Variants in ANKFN1 observed in about 807,000 individuals in gnomAD.
ANKFN1 encodes ankyrin repeat and fibronectin type III domain containing 1.
In ANKFN1, 74 loss-of-function variants were observed where a neutral mutation model predicts 108.7. The observed-to-expected ratio is 0.68, with a 90% CI of 0.56 to 0.83. The LOEUF (loss-of-function observed/expected upper bound fraction) is 0.83, where lower values mean the gene tolerates loss of function less well. ANKFN1 is among the 40% of genes least tolerant of loss of function. The probability of loss-of-function intolerance (pLI) is 0.00; values close to 1 mark genes in which losing one functional copy is unlikely to be tolerated. For synonymous variants in ANKFN1, 547 were observed against 516.2 expected (o/e 1.06, Z -0.81); for missense variants, 1,505 against 1,382.3 (o/e 1.09, Z -1.41).
rs142111973 is a variant in ANKFN1, at chr17:56,346,328, C to A, written c.189-4438C>A. On this transcript the variant is annotated intron_variant, in intron 4 of 20. Transcript: ENST00000682825. ...AGTTTGAAGTCAGACAGCATGATGCCGCCAGCTTTGTTCTTTTTGCTTAGG... is the reference window on the plus strand; with the variant it reads ...AGTTTGAAGTCAGACAGCATGATGCAGCCAGCTTTGTTCTTTTTGCTTAGG... Among the ~76,000 whole-genome samples the A allele has an allele frequency of 1.0e-2, 1,518 of 152,114 alleles. 22 individuals are homozygous for A. The highest frequency in any genetic ancestry group is 0.034 in the African/African-American group (1,407 of 41,494).
At chr17:56,457,823 T>C (rs753990218) in intron 13 of ANKFN1, 40 bp from the exon 14 acceptor site, 1 of 1,486,562 alleles carries the variant, frequency 6.7e-7, no homozygotes, top group East Asian at 2.3e-5. Context: ...AATCATGTAC[T>C]GGCTTGGACG....
chr17:56,078,392 C>A (rs1193113396), intron 4 of ANKFN1, among the ~76,000 whole-genome samples: 1 of 152,170 alleles, frequency 6.6e-6, no homozygotes, highest in Non-Finnish European at 1.5e-5. Context: ...GACTATGGAC[C>A]ATTCCTAGGA....
intron 4 of ANKFN1, among the ~76,000 whole-genome samples, chr17:56,061,023 TG>T (rs1904964401): frequency 6.6e-6 from 1 of 152,208 alleles, no homozygotes; most frequent in Non-Finnish European, 1.5e-5. Flanking sequence ...AGCTCCTTTT[TG>T]TACCTCTAGA....
chr17:56,350,741 T>C, intron 4 of ANKFN1, 25 bp from the exon 5 acceptor site: 3 of 1,600,146 alleles, frequency 1.9e-6, no homozygotes, highest in South Asian at 1.1e-5. Context: ...GTAAAAGATA[T>C]AACATCGGAC....
chr17:56,358,123 T>C (rs1375986741), intron 6 of ANKFN1, among the ~76,000 whole-genome samples: 1 of 152,146 alleles, frequency 6.6e-6, no homozygotes, highest in Non-Finnish European at 1.5e-5. Context: ...CTAATGACAG[T>C]TACATATTTC....
chr17:56,169,065 G>A (rs762329570), intron 1 of ANKFN1, among the ~76,000 whole-genome samples: 5 of 152,076 alleles, frequency 3.3e-5, no homozygotes, highest in Non-Finnish European at 5.9e-5. Context: ...AACAGAAAGC[G>A]GGGAAAACAA....
At chr17:56,326,119 A>G (rs2045508091) in intron 3 of ANKFN1, 102 bp from the exon 4 acceptor site, 6 of 1,447,956 alleles carry the variant, frequency 4.1e-6, no homozygotes, top group South Asian at 1.4e-5. Context: ...TTCTCTCCCT[A>G]TGCATCATTT....
chr17:56,098,402 A>C (rs1905572805), intron 4 of ANKFN1, among the ~76,000 whole-genome samples: 1 of 147,296 alleles, frequency 6.8e-6, no homozygotes, highest in African/African-American at 2.7e-5. Flanking sequence ...AGCCCCTGCT[A>C]CACACATACA....
intron 19 of ANKFN1, among the ~76,000 whole-genome samples, chr17:56,497,062 T>C (rs1227184874): frequency 6.6e-6 from 1 of 152,104 alleles, no homozygotes; most frequent in African/African-American, 2.4e-5. Flanking sequence ...ACAATCCCTG[T>C]CCTTGTCGGG....
intron 4 of ANKFN1, among the ~76,000 whole-genome samples, chr17:56,076,661 AT>A (rs1458642251): frequency 6.6e-6 from 1 of 152,188 alleles, no homozygotes; most frequent in African/African-American, 2.4e-5. Context: ...GTGGAATGGG[AT>A]TGATAACAAT....
intron 3 of ANKFN1, among the ~76,000 whole-genome samples, chr17:56,284,079 T>C (rs2044154562): frequency 6.6e-6 from 1 of 152,202 alleles, no homozygotes; most frequent in South Asian, 2.1e-4. Context: ...TATGCTGGTA[T>C]TTGATAAGAA....
intron 8 of ANKFN1, among the ~76,000 whole-genome samples, chr17:56,384,412 C>T (rs1208633404): frequency 2.0e-5 from 3 of 151,778 alleles, no homozygotes; most frequent in African/African-American, 4.8e-5. Flanking sequence ...CCTTTGAAAA[C>T]TGGCACAAGA....
At chr17:56,405,529 G>C (rs1186867597) in intron 8 of ANKFN1, among the ~76,000 whole-genome samples, 2 of 152,100 alleles carry the variant, frequency 1.3e-5, no homozygotes, top group African/African-American at 4.8e-5. Context: ...GTAATTCTAA[G>C]TAGGGGGATT....
At chr17:56,060,104 C>T (rs1021266246) in intron 4 of ANKFN1, among the ~76,000 whole-genome samples, 11 of 152,080 alleles carry the variant, frequency 7.2e-5, no homozygotes, top group Non-Finnish European at 1.6e-4. Flanking sequence ...CTCTTATTTC[C>T]TTGAGAAGTG....
chr17:56,406,682 A>G lies in ANKFN1; in HGVS notation c.910+31968A>G, dbSNP rs1298211842. Among the ~76,000 whole-genome samples, 5 of 152,210 alleles carry G rather than the reference A, an allele frequency of 3.3e-5. No individual in the cohort carries two copies. The East Asian group carries it at 9.6e-4, about 29-fold the overall frequency. ...GCGACTCCAGGATTAGGTCAGGTCAAATTTTATTGCTTTTGGCCAAGGGCT... is the reference window on the plus strand; with the variant it reads ...GCGACTCCAGGATTAGGTCAGGTCAGATTTTATTGCTTTTGGCCAAGGGCT... On this transcript the variant is annotated intron_variant, in intron 8 of 20. Coordinates refer to ENST00000682825, the MANE Select transcript of ANKFN1 (RefSeq NM_001370326.1).
Position 56,130,903 on chromosome 17 carries a change from G to C in ANKFN1, c.288+84578G>C, listed in dbSNP as rs528906486. 5.9e-5 allele frequency among the ~76,000 whole-genome samples: 9 copies of C among 151,832 alleles called. No individual in the cohort carries two copies. In the South Asian group the frequency reaches 1.9e-3, roughly 32 times the overall value. ...TGGACTGAATTGGGTGAGGCTGGCT[G>C]ATCTGGGTGTTTGTCAGGCTTCTAA... On this transcript the variant is annotated intron_variant, in intron 4 of 12. Coordinates refer to the ANKFN1 transcript ENST00000635860.
At chr17:56,379,537 T>G (rs1324571990) in intron 8 of ANKFN1, among the ~76,000 whole-genome samples, 2 of 152,246 alleles carry the variant, frequency 1.3e-5, no homozygotes, top group Non-Finnish European at 2.9e-5. Context: ...ATACAAAATT[T>G]TGTTTATGTG....
intron 3 of ANKFN1, among the ~76,000 whole-genome samples, chr17:56,255,254 G>A (rs1024519158): frequency 6.6e-6 from 1 of 152,172 alleles, no homozygotes; most frequent in Non-Finnish European, 1.5e-5. Context: ...ATATACTGGA[G>A]GGAAGATTGG....
chr17:56,239,331 A>G (rs1051865902), intron 3 of ANKFN1, among the ~76,000 whole-genome samples: 2 of 152,126 alleles, frequency 1.3e-5, no homozygotes, highest in Non-Finnish European at 2.9e-5. Flanking sequence ...TGAAGTAGAG[A>G]AAGGTAGTTC....
Sources: gnomAD v4.1 joint callset for allele counts (sites outside exome capture counted in the v4.1 genomes callset) on GRCh38, gnomAD v4.1.1 for gene constraint, MANE v1.5 for transcripts, NCBI Gene and HGNC (gene_info 2026-07-23, HGNC 2026-07-21) for gene names.